UBE2W: variants seen among roughly 807,000 people sequenced by gnomAD.
The protein encoded by UBE2W is ubiquitin conjugating enzyme E2 W.
Under a neutral mutation model 27.2 loss-of-function variants are expected in UBE2W, and 18 were observed. The observed-to-expected ratio is 0.66, with a 90% confidence interval of 0.46 to 0.98. UBE2W has a LOEUF of 0.98. Ranked by LOEUF, UBE2W falls within the 50% of genes least tolerant of loss-of-function variation. The pLI is 0.00. For synonymous variants in UBE2W, 53 were observed against 57.2 expected (o/e 0.93, Z 0.33); for missense variants, 90 against 180.2 (o/e 0.50, Z 2.87).
chr8:73,799,728 T>C (rs1363189564), intron 5 of UBE2W, among the ~76,000 whole-genome samples: 1 of 152,172 alleles, frequency 6.6e-6, no homozygotes. Context: ...TCCACTTAGT[T>C]TCTAGAAACT....
At chr8:73,845,866 T>G (rs1382837155) in intron 1 of UBE2W, among the ~76,000 whole-genome samples, 7 of 152,026 alleles carry the variant, frequency 4.6e-5, no homozygotes. Context: ...AACCACCAAT[T>G]TAAACTCCTA....
chr8:73,851,839 G>GACAGTGTTCTTAACTATAAAAGAAAT (rs57421554), intron 1 of UBE2W, among the ~76,000 whole-genome samples: 36,664 of 151,592 alleles, frequency 0.24, 7,543 homozygotes, highest in African/African-American at 0.57. Flanking sequence ...CTGGATCAAT[G>GACAGTGTTCTTAACTATAAAAGAAAT]ACAGGAAGAA....
At position 73,791,262 on chromosome 8, in the gene UBE2W, C is replaced by T; in HGVS notation, c.*2840G>A. 1.0e-6 allele frequency: 1 copy of T among 967,438 alleles called. No homozygotes were observed. The highest frequency in any genetic ancestry group is 1.1e-4 in the East Asian group (1 of 8,718). The allele number at this position is 967,438 out of a possible 1,614,324, so 59.9% of individuals were successfully genotyped here. The stretch of plus-strand genomic sequence containing the variant: ...ACCTATGGCATTAATCCCTACTTGA[C>T]CAAAGAAAAAAAAAAAAAAGAAGGG... On this transcript the variant is annotated 3_prime_UTR_variant, in exon 6 of 6. Coordinates refer to ENST00000602593, the MANE Select transcript of UBE2W (RefSeq NM_018299.6).
intron 1 of UBE2W, among the ~76,000 whole-genome samples, chr8:73,865,129 G>A (rs1811693509): frequency 4.3e-5 from 6 of 140,094 alleles, no homozygotes; most frequent in Admixed American, 3.8e-4. Context: ...TCAGCTGGGA[G>A]TGTGTGCATA....
intron 1 of UBE2W, among the ~76,000 whole-genome samples, chr8:73,859,022 G>GTGT (rs1811431618): frequency 7.0e-6 from 1 of 143,590 alleles, no homozygotes; most frequent in African/African-American, 2.6e-5. Context: ...GTGTGTGGTG[G>GTGT]TTTTTTTGCT....
intron 3 of UBE2W, among the ~76,000 whole-genome samples, chr8:73,812,021 A>C (rs1174356928): frequency 3.3e-5 from 5 of 152,072 alleles, no homozygotes; most frequent in Admixed American, 2.6e-4. Context: ...AAAGATTTAC[A>C]TGTTAATAAA....
In UBE2W at chr8:73,789,160, T is replaced by C; in HGVS notation, c.*4942A>G. On this transcript the variant is annotated 3_prime_UTR_variant, in exon 6 of 6. Transcript: ENST00000602593. Reference sequence around the variant, plus strand: ...CTATGTGCCTCTAATGATAATGATGTACATAAACCTGTCTTAAATCGGCAA... The same window carrying C: ...CTATGTGCCTCTAATGATAATGATGCACATAAACCTGTCTTAAATCGGCAA... 1.0e-6 allele frequency: 1 copy of C among 985,038 alleles called. No homozygotes were observed. The highest frequency in any genetic ancestry group is 1.2e-6 in the Non-Finnish European group (1 of 829,830). 61.0% of individuals were successfully genotyped at this position (985,038 alleles called of 1,614,324 possible). A position where few individuals can be genotyped will look rare whatever the true frequency, so the allele number is the denominator to read the frequency against.
chr8:73,826,189 G>C (rs1047300076), intron 2 of UBE2W, among the ~76,000 whole-genome samples: 3 of 152,086 alleles, frequency 2.0e-5, no homozygotes, highest in African/African-American at 7.2e-5. Flanking sequence ...TGCCATCTAT[G>C]CAAGCCTTTG....
chr8:73,782,942 A>G (rs1415975764), downstream of UBE2W, among the ~76,000 whole-genome samples: 4 of 152,208 alleles, frequency 2.6e-5, no homozygotes, highest in Non-Finnish European at 5.9e-5. Flanking sequence ...TGGTATGGTC[A>G]ATGCAGTGGG....
chr8:73,783,137 G>C (rs557399251), downstream of UBE2W, among the ~76,000 whole-genome samples: 1 of 152,212 alleles, frequency 6.6e-6, no homozygotes, highest in Non-Finnish European at 1.5e-5. Flanking sequence ...TGAATTTTAA[G>C]TTCTTTAAAA....
downstream of UBE2W, among the ~76,000 whole-genome samples, chr8:73,782,253 GTTTTTT>G (rs544672484): frequency 6.7e-6 from 1 of 148,346 alleles, no homozygotes; most frequent in African/African-American, 2.5e-5. Flanking sequence ...GGCCAATTGT[GTTTTTT>G]TTTTAATTGA....
intron 1 of UBE2W, among the ~76,000 whole-genome samples, chr8:73,836,649 AC>A (rs1273337888): frequency 6.6e-6 from 1 of 152,270 alleles, no homozygotes; most frequent in Non-Finnish European, 1.5e-5. Flanking sequence ...AATATGAAGA[AC>A]TAGTATGACC....
chr8:73,833,544 T>G (rs765175374), intron 1 of UBE2W, among the ~76,000 whole-genome samples: 10 of 152,122 alleles, frequency 6.6e-5, no homozygotes, highest in Non-Finnish European at 8.8e-5. Flanking sequence ...ACATATTAGG[T>G]ATCCTAAAAT....
Position 73,793,423 on chromosome 8 carries a change from AAC to A in UBE2W, c.*677_*678del. The A allele has an allele frequency of 1.0e-6, 1 of 985,882 alleles. No individual in the cohort carries two copies. Among genetic ancestry groups the A allele is most frequent in the Non-Finnish European group, 1.2e-6 (1 of 829,914 alleles). The allele number at this position is 985,882 out of a possible 1,614,324, so 61.1% of individuals were successfully genotyped here. A position where few individuals can be genotyped will look rare whatever the true frequency, so the allele number is the denominator to read the frequency against. On this transcript the variant is annotated 3_prime_UTR_variant, in exon 6 of 6. Transcript: ENST00000602593. ...ATTAATTTATTTTCACCATAGGGAT[AAC>A]ATACTGTACCTCTCTGCCAATGTTA...
intron 1 of UBE2W, among the ~76,000 whole-genome samples, chr8:73,869,506 C>A (rs531865370): frequency 1.1e-4 from 17 of 152,202 alleles, no homozygotes; most frequent in Non-Finnish European, 1.9e-4. Flanking sequence ...GATTGGCCAA[C>A]ATGGTGAAAC....
At position 73,787,186 on chromosome 8, in the gene UBE2W, C is replaced by A; in HGVS notation, c.*6916G>T. On this transcript the variant is annotated 3_prime_UTR_variant, in exon 6 of 6. Coordinates refer to ENST00000602593, the MANE Select transcript of UBE2W (RefSeq NM_018299.6). ...CAACTAAAAAAATGGTTGAAAGGGG[C>A]TCCCAACAGGACAGATAACCACAGT... The A allele has an allele frequency of 2.0e-6, 2 of 985,414 alleles. No individual in the cohort carries two copies. The highest frequency in any genetic ancestry group is 4.7e-5 in the South Asian group (1 of 21,284). 61.0% of individuals were successfully genotyped at this position (985,414 alleles called of 1,614,324 possible).
In UBE2W at chr8:73,848,204, G is replaced by GTAAA. The variant is rs1161054554; in HGVS notation, c.16-17736_16-17733dup. On this transcript the variant is annotated intron_variant, in intron 1 of 5. Coordinates refer to ENST00000602593, the MANE Select transcript of UBE2W (RefSeq NM_018299.6). ...AAAAACTGTGTCTCAAAATAAATAA[G>GTAAA]TAAATAAATAAATAAATAAATAATT... Among the ~76,000 whole-genome samples the GTAAA allele has an allele frequency of 9.6e-3, 1,464 of 151,922 alleles. 28 individuals carry two copies. Among genetic ancestry groups the GTAAA allele is most frequent in the African/African-American group, 0.033 (1,383 of 41,382 alleles).
At chr8:73,813,083 CAAAAAAAAAAAAA>C (rs56094830) in intron 3 of UBE2W, among the ~76,000 whole-genome samples, 2 of 43,460 alleles carry the variant, frequency 4.6e-5, no homozygotes, top group South Asian at 1.2e-3. Context: ...GAAAGTGCCA[CAAAAAAAAAAAAA>C]AAAAAAAAAA....
chr8:73,831,996 T>C (rs1810085094), intron 1 of UBE2W: 1 of 151,832 alleles, frequency 6.6e-6, no homozygotes, highest in South Asian at 2.1e-4. Context: ...GTAGGCTACG[T>C]GTGGTGGCTC....
Sources: gnomAD v4.1 joint callset for allele counts (sites outside exome capture counted in the v4.1 genomes callset) on GRCh38, gnomAD v4.1.1 for gene constraint, MANE v1.5 for transcripts, NCBI Gene and HGNC (gene_info 2026-07-23, HGNC 2026-07-21) for gene names.